FSTL5: variants seen among roughly 807,000 people sequenced by gnomAD.
FSTL5 encodes follistatin like 5, also known as follistatin-related protein 5.
In FSTL5, 62 loss-of-function variants were observed where a neutral mutation model predicts 89.1. The ratio of observed to expected loss-of-function variants is 0.70; its 90% CI spans 0.57 to 0.86. FSTL5 has a LOEUF of 0.86. Ranked by LOEUF, FSTL5 falls within the 40% of genes least tolerant of loss-of-function variation. The probability of loss-of-function intolerance (pLI) is 0.00; values close to 1 mark genes in which losing one functional copy is unlikely to be tolerated. For synonymous variants in FSTL5, 383 were observed against 346.2 expected (o/e 1.11, Z -1.18); for missense variants, 1,057 against 1,001.6 (o/e 1.06, Z -0.75).
chr4:162,143,398 G>C (rs1732826021), intron 1 of FSTL5, among the ~76,000 whole-genome samples: 1 of 151,822 alleles, frequency 6.6e-6, no homozygotes, highest in Non-Finnish European at 1.5e-5. Flanking sequence ...TCACTTAAAA[G>C]TGTTTCTTAC....
At chr4:161,999,104 T>A (rs1560961689) in intron 3 of FSTL5, among the ~76,000 whole-genome samples, 1 of 152,190 alleles carries the variant, frequency 6.6e-6, no homozygotes, top group Admixed American at 6.5e-5. Flanking sequence ...AAGGGTAGGA[T>A]CCATTCAGTC....
chr4:161,752,999 T>C (rs1489332659), intron 6 of FSTL5, among the ~76,000 whole-genome samples: 2 of 152,182 alleles, frequency 1.3e-5, no homozygotes, highest in Non-Finnish European at 2.9e-5. Context: ...TCAAGAACTA[T>C]GAGAAATAAA....
chr4:161,587,353 A>C (rs551404551), intron 8 of FSTL5, 102 bp downstream of exon 8: 1 of 1,029,294 alleles, frequency 9.7e-7, no homozygotes, highest in Non-Finnish European at 1.5e-6. Context: ...AAAACTTGAA[A>C]TATTATTAGT....
intron 1 of FSTL5, among the ~76,000 whole-genome samples, chr4:162,161,881 T>G (rs1004763551): frequency 6.6e-6 from 1 of 152,056 alleles, no homozygotes; most frequent in African/African-American, 2.4e-5. Context: ...ATTTCAAAAT[T>G]TGTAGTGGAA....
rs1408596229 is a variant in FSTL5, at chr4:162,065,683, C to T, written c.127-32025G>A. On this transcript the variant is annotated intron_variant, in intron 2 of 15. Transcript: ENST00000306100. ...CTCAGTAAATTAAAAATAGAACTAC[C>T]ATACAATCCAGCAACTCTACTTCTC... Among the ~76,000 whole-genome samples the T allele has an allele frequency of 4.6e-5, 7 of 151,658 alleles. No homozygotes were observed. The East Asian group carries it at 1.2e-3, about 25-fold the overall frequency.
intron 2 of FSTL5, among the ~76,000 whole-genome samples, chr4:162,110,594 G>A (rs1181899178): frequency 6.6e-6 from 1 of 151,604 alleles, no homozygotes; most frequent in Non-Finnish European, 1.5e-5. Flanking sequence ...ACTCAAAAAT[G>A]TATTATGAAA....
At chr4:162,008,834 C>A (rs1339367938) in intron 3 of FSTL5, among the ~76,000 whole-genome samples, 2 of 151,884 alleles carry the variant, frequency 1.3e-5, no homozygotes, top group Non-Finnish European at 2.9e-5. Context: ...CTAGGAAGAG[C>A]AATTTGCTTT....
intron 3 of FSTL5, among the ~76,000 whole-genome samples, chr4:162,014,137 T>C (rs1217107260): frequency 6.6e-6 from 1 of 152,168 alleles, no homozygotes; most frequent in East Asian, 1.9e-4. Context: ...GCTCAGGAGA[T>C]ACCACCAGTG....
chr4:162,146,363 G>A (rs1421903637), intron 1 of FSTL5, among the ~76,000 whole-genome samples: 1 of 152,102 alleles, frequency 6.6e-6, no homozygotes, highest in African/African-American at 2.4e-5. Context: ...CCTTTCTAGA[G>A]TAAATTCCTT....
intron 6 of FSTL5, among the ~76,000 whole-genome samples, chr4:161,660,990 ATAATTAATATTG>A (rs1736686943): frequency 6.6e-6 from 1 of 152,078 alleles, no homozygotes; most frequent in African/African-American, 2.4e-5. Context: ...TTGTAATAGG[ATAATTAATATTG>A]TAATGGGATT....
chr4:161,547,120 T>G (rs565824676), intron 8 of FSTL5, among the ~76,000 whole-genome samples: 46 of 152,140 alleles, frequency 3.0e-4, no homozygotes, highest in Admixed American at 3.0e-3. Context: ...AGAGGCCCCA[T>G]GACAACAGCC....
At chr4:161,469,272 G>C (rs1207177309) in intron 13 of FSTL5, among the ~76,000 whole-genome samples, 1 of 152,128 alleles carries the variant, frequency 6.6e-6, no homozygotes, top group Non-Finnish European at 1.5e-5. Flanking sequence ...TTGTAAGGCT[G>C]TATAATATTC....
intron 6 of FSTL5, among the ~76,000 whole-genome samples, chr4:161,729,728 A>G (rs567512094): frequency 6.6e-6 from 1 of 151,574 alleles, no homozygotes; most frequent in Non-Finnish European, 1.5e-5. Flanking sequence ...GTGTACAACT[A>G]TTCATTGACT....
intron 11 of FSTL5, 105 bp downstream of exon 11, chr4:161,510,293 G>T (rs1730609303): frequency 1.4e-6 from 1 of 727,290 alleles, no homozygotes; most frequent in Non-Finnish European, 2.3e-6. Context: ...TTAAAATATT[G>T]AATCAAAATG....
At chr4:162,094,481 T>C (rs1730671015) in intron 2 of FSTL5, among the ~76,000 whole-genome samples, 1 of 152,096 alleles carries the variant, frequency 6.6e-6, no homozygotes, top group Non-Finnish European at 1.5e-5. Flanking sequence ...CCATCAATAG[T>C]AGAGTGGATA....
chr4:161,844,865 G>A (rs1230212158), intron 4 of FSTL5, among the ~76,000 whole-genome samples: 1 of 151,838 alleles, frequency 6.6e-6, no homozygotes, highest in East Asian at 1.9e-4. Flanking sequence ...AAACAACCAT[G>A]GCATTTGTAC....
chr4:161,687,933 T>C lies in FSTL5; in HGVS notation c.728-31439A>G, dbSNP rs1450096144. Among the ~76,000 whole-genome samples, 165 of 152,298 alleles carry C rather than the reference T, an allele frequency of 1.1e-3. 2 individuals carry two copies. Among genetic ancestry groups the C allele is most frequent in the Non-Finnish European group, 4.7e-4 (32 of 68,018 alleles). ...GCTTCTATAAAAAGGCTTACGGAAGTGAGTTCCTTCTTTTCTGCTCCTCTG... is the reference window on the plus strand; with the variant it reads ...GCTTCTATAAAAAGGCTTACGGAAGCGAGTTCCTTCTTTTCTGCTCCTCTG... On this transcript the variant is annotated intron_variant, in intron 6 of 15. Coordinates refer to ENST00000306100, the MANE Select transcript of FSTL5 (RefSeq NM_020116.5).
chr4:161,920,354 A>G, intron 4 of FSTL5, 50 bp downstream of exon 4: 2 of 1,573,326 alleles, frequency 1.3e-6, no homozygotes, highest in Non-Finnish European at 1.7e-6. Context: ...ACTAGTTGAG[A>G]AAGAAAAGAA....
At chr4:162,001,611 TG>T (rs1361336692) in intron 3 of FSTL5, among the ~76,000 whole-genome samples, 6 of 151,844 alleles carry the variant, frequency 4.0e-5, no homozygotes, top group African/African-American at 1.5e-4. Flanking sequence ...TGTGTGTGTG[TG>T]TGTGTGTGTG....
Sources: allele counts gnomAD v4.1 joint callset (sites outside exome capture counted in the v4.1 genomes callset), GRCh38; gene constraint gnomAD v4.1.1; transcripts MANE v1.5; gene names NCBI Gene and HGNC (gene_info 2026-07-23, HGNC 2026-07-21).